The following SPIRE1 variants were observed in gnomAD, a reference collection of about 807,000 sequenced individuals.
SPIRE1 encodes the protein protein spire homolog 1.
A neutral mutation model predicts 94.1 loss-of-function variants in SPIRE1; 40 were observed. The ratio of observed to expected loss-of-function variants is 0.43; its 90% CI spans 0.33 to 0.55. The LOEUF is 0.55. Among genes scored for constraint, SPIRE1 ranks in the 20% least tolerant of loss-of-function variants. The pLI is 0.06. For missense variants in SPIRE1, 838 were observed against 975.2 expected, an observed-to-expected ratio of 0.86 and a Z score of 1.87; for synonymous variants, 376 against 371.7, an observed-to-expected ratio of 1.01 and a Z score of -0.13.
At chr18:12,608,501 T>C (rs972857257) in intron 2 of SPIRE1, among the ~76,000 whole-genome samples, 2 of 152,220 alleles carry the variant, frequency 1.3e-5, no homozygotes, top group African/African-American at 4.8e-5. Context: ...AACAAGTATC[T>C]TCTTGCTTCA....
At chr18:12,523,001 T>C (rs1351281136) in intron 4 of SPIRE1, among the ~76,000 whole-genome samples, 1 of 152,178 alleles carries the variant, frequency 6.6e-6, no homozygotes, top group Non-Finnish European at 1.5e-5. Flanking sequence ...ATAACTGTCA[T>C]AGACAGTGAT....
chr18:12,506,593 G>C lies in SPIRE1; in HGVS notation c.856C>G (p.Leu286Val). The change falls in exon 6 of 17, where the codon CTT (leucine) becomes GTT (valine). Residue 286 changes from leucine (L) to valine (V), a missense_variant. Leu to Val is a conservative substitution (Grantham distance 32). Around this residue, in one of 2 missense-constraint regions of SPIRE1, gnomAD observed 645 missense variants for 804.7 expected, o/e 0.80. Transcript: ENST00000409402. ...TACTGCCGCTCTTGGACCTTCTTAAGTTTTACCCCATTCCTCAAATCCCTC... is the reference window on the plus strand; with the variant it reads ...TACTGCCGCTCTTGGACCTTCTTAACTTTTACCCCATTCCTCAAATCCCTC... Reference protein sequence around the residue: ...VMRDLRNGVKLKKVQERQYNP... With the variant: ...VMRDLRNGVKVKKVQERQYNP... 6.2e-7 allele frequency: 1 copy of C among 1,614,086 alleles called. No homozygotes were observed. Among genetic ancestry groups the C allele is most frequent in the Non-Finnish European group, 8.5e-7 (1 of 1,180,016 alleles).
At chr18:12,605,160 C>T (rs2036937671) in intron 2 of SPIRE1, among the ~76,000 whole-genome samples, 1 of 152,160 alleles carries the variant, frequency 6.6e-6, no homozygotes, top group Non-Finnish European at 1.5e-5. Context: ...TGTTTCACAA[C>T]AATATATTTA....
chr18:12,558,200 G>T (rs1389980206), intron 2 of SPIRE1, among the ~76,000 whole-genome samples: 1 of 152,154 alleles, frequency 6.6e-6, no homozygotes, highest in Non-Finnish European at 1.5e-5. Flanking sequence ...GATGTGTCCG[G>T]AGTTAGTTTC....
chr18:12,561,032 CATTACCCCAGTGATT>C (rs2144393221), intron 2 of SPIRE1, among the ~76,000 whole-genome samples: 1 of 152,244 alleles, frequency 6.6e-6, no homozygotes, highest in South Asian at 2.1e-4. Context: ...ATGGAGACCC[CATTACCCCAGTGATT>C]ATTACGCACT....
chr18:12,658,301 C>T, upstream of SPIRE1: 1 of 441,918 alleles, frequency 2.3e-6, no homozygotes, highest in South Asian at 1.6e-5. Context: ...GACGCCCGGT[C>T]GGGGGGCCCG....
Position 12,657,966 on chromosome 18 carries a change from ACCG to A in SPIRE1, c.-103_-101del. On this transcript the variant is annotated 5_prime_UTR_variant, in exon 1 of 17. Coordinates refer to ENST00000409402, the MANE Select transcript of SPIRE1 (RefSeq NM_001128626.2). ...GCGCCGCCGCCTCACCATCCCCGGA[ACCG>A]CCGCCGCCCAACGCGGCCGCGCGCG... 1.0e-6 allele frequency: 1 copy of A among 996,618 alleles called. No individual in the cohort carries two copies. Among genetic ancestry groups the A allele is most frequent in the Non-Finnish European group, 1.2e-6 (1 of 839,350 alleles). 61.7% of individuals were successfully genotyped at this position (996,618 alleles called of 1,614,324 possible). A position where few individuals can be genotyped will look rare whatever the true frequency, so the allele number is the denominator to read the frequency against.
At chr18:12,621,048 T>C (rs1040062276) in intron 2 of SPIRE1, among the ~76,000 whole-genome samples, 1 of 152,108 alleles carries the variant, frequency 6.6e-6, no homozygotes, top group Non-Finnish European at 1.5e-5. Flanking sequence ...AGCGAGACCA[T>C]GTCTCTTAAA....
At chr18:12,652,683 ATTC>A (rs2038415755) in intron 1 of SPIRE1, among the ~76,000 whole-genome samples, 1 of 152,004 alleles carries the variant, frequency 6.6e-6, no homozygotes, top group South Asian at 2.1e-4. Flanking sequence ...AAACTCACTA[ATTC>A]TTCATTTTTT....
At chr18:12,600,774 G>GT (rs1376944414) in intron 2 of SPIRE1, among the ~76,000 whole-genome samples, 14 of 151,942 alleles carry the variant, frequency 9.2e-5, no homozygotes, top group Admixed American at 8.5e-4. Flanking sequence ...TCAGGGTGGA[G>GT]TGCAGTGGCG....
In SPIRE1 at chr18:12,566,285, G is replaced by A. The variant is rs879717114; in HGVS notation, c.373-19381C>T. 3.5e-4 allele frequency among the ~76,000 whole-genome samples: 53 copies of A among 151,580 alleles called. 1 individual carries two copies. The highest frequency in any genetic ancestry group is 3.2e-3 in the Admixed American group (49 of 15,228). On this transcript the variant is annotated intron_variant, in intron 2 of 16. Transcript: ENST00000409402. ...CGGGAGGTGGAGGTTGCGGTAAGCCGAGATTGCAACACTGCACTCCAGCCT... is the reference window on the plus strand; with the variant it reads ...CGGGAGGTGGAGGTTGCGGTAAGCCAAGATTGCAACACTGCACTCCAGCCT...
rs1368357357 is a variant in SPIRE1, at chr18:12,559,418, G to A, written c.373-12514C>T. Among the ~76,000 whole-genome samples the A allele has an allele frequency of 6.6e-6, 1 of 152,166 alleles. No individual in the cohort carries two copies. Among genetic ancestry groups the A allele is most frequent in the Non-Finnish European group, 1.5e-5 (1 of 68,012 alleles). ...GCGAGACTGCACCCACCCGGAACTC[G>A]TGCTGGCCTGCGAACACCACGCGCA... On this transcript the variant is annotated intron_variant, in intron 2 of 16. Coordinates refer to ENST00000409402, the MANE Select transcript of SPIRE1 (RefSeq NM_001128626.2). This position sits in a 1 kb window ranked among gnomAD's most constrained non-coding sequence, Gnocchi z 4.7.
At chr18:12,606,085 TG>T (rs2036967154) in intron 2 of SPIRE1, among the ~76,000 whole-genome samples, 1 of 152,120 alleles carries the variant, frequency 6.6e-6, no homozygotes, top group Non-Finnish European at 1.5e-5. Context: ...AATTGAAAAA[TG>T]GAATTGAAGT....
At chr18:12,660,219 T>C (rs1039391663), upstream of SPIRE1, among the ~76,000 whole-genome samples, 22 of 151,936 alleles carry the variant, frequency 1.4e-4, no homozygotes, top group African/African-American at 5.3e-4. Flanking sequence ...AAGACAACAA[T>C]ACAGGGAAGG....
At chr18:12,599,909 A>G (rs150762962) in intron 2 of SPIRE1, among the ~76,000 whole-genome samples, 44 of 152,218 alleles carry the variant, frequency 2.9e-4, no homozygotes, top group South Asian at 8.3e-4. Flanking sequence ...CTGACAGAAT[A>G]CAGCAAAAGT....
chr18:12,654,862 T>C (rs1458245101), intron 1 of SPIRE1, among the ~76,000 whole-genome samples: 3 of 151,568 alleles, frequency 2.0e-5, no homozygotes, highest in African/African-American at 2.4e-5. Flanking sequence ...ACCCCATTTC[T>C]ACCAAAAATA....
chr18:12,470,766 T>C (rs1416611815), intron 10 of SPIRE1, among the ~76,000 whole-genome samples: 2 of 152,102 alleles, frequency 1.3e-5, no homozygotes, highest in African/African-American at 2.4e-5. Flanking sequence ...TTCTAGAACA[T>C]CAGTCTCTTC....
At chr18:12,578,090 C>T (rs2036159453) in intron 2 of SPIRE1, among the ~76,000 whole-genome samples, 1 of 152,154 alleles carries the variant, frequency 6.6e-6, no homozygotes, top group African/African-American at 2.4e-5. Context: ...AGAACATGTA[C>T]ATTGCTGGTG....
At chr18:12,521,835 G>T (rs1301827567) in intron 4 of SPIRE1, among the ~76,000 whole-genome samples, 1 of 151,826 alleles carries the variant, frequency 6.6e-6, no homozygotes. Flanking sequence ...TATTGTCATT[G>T]CTTTGGGGTG....
Sources: allele counts gnomAD v4.1 joint callset (sites outside exome capture counted in the v4.1 genomes callset), GRCh38; gene constraint gnomAD v4.1.1; regional missense constraint gnomAD v4.1.1; non-coding constraint Gnocchi (gnomAD v3.1); transcripts MANE v1.5; gene names NCBI Gene and HGNC (gene_info 2026-07-23, HGNC 2026-07-21).